PTPRN2: variants seen among roughly 807,000 people sequenced by gnomAD.
PTPRN2 encodes protein tyrosine phosphatase receptor type N2, also known as receptor-type tyrosine-protein phosphatase N2.
Under a neutral mutation model 118.8 loss-of-function variants are expected in PTPRN2, and 74 were observed. The observed-to-expected ratio is 0.62, with a 90% confidence interval of 0.52 to 0.76. The LOEUF (loss-of-function observed/expected upper bound fraction) is 0.76. PTPRN2 is among the 30% of genes least tolerant of loss of function. The pLI, the probability that PTPRN2 is intolerant of heterozygous loss-of-function variation, is 0.00. For missense variants in PTPRN2, 1,481 were observed against 1,394.4 expected, an observed-to-expected ratio of 1.06 and a Z score of -0.99; for synonymous variants, 641 against 608.0, an observed-to-expected ratio of 1.05 and a Z score of -0.80.
intron 12 of PTPRN2, among the ~76,000 whole-genome samples, chr7:157,686,365 T>G (rs1169841534): frequency 1.3e-5 from 2 of 152,340 alleles, no homozygotes; most frequent in South Asian, 2.1e-4. Flanking sequence ...TAAAGAATTT[T>G]TTTCTAAGTG....
rs55643610 is a variant in PTPRN2, at chr7:157,861,895, T to G, written c.1788+36778A>C. Among the ~76,000 whole-genome samples the G allele has an allele frequency of 6.7e-6, 1 of 148,544 alleles. No individual in the cohort carries two copies. ...TCTGTCCTCCCCATCACAGGGACAC[T>G]GCTGCTTCGAGGACTCTGTGTGCCG... On this transcript the variant is annotated intron_variant, in intron 12 of 22. Transcript: ENST00000389418. The surrounding 1 kb of genome is among the most constrained non-coding windows in gnomAD (Gnocchi z 5.8).
intron 11 of PTPRN2, among the ~76,000 whole-genome samples, chr7:158,008,303 T>C (rs1181273083): frequency 1.3e-5 from 2 of 152,334 alleles, no homozygotes; most frequent in South Asian, 2.1e-4. Flanking sequence ...TGGGAAAATA[T>C]GGAATAATTG....
chr7:157,916,174 G>T (rs1017835485), intron 11 of PTPRN2, among the ~76,000 whole-genome samples: 2 of 152,220 alleles, frequency 1.3e-5, no homozygotes, highest in South Asian at 4.1e-4. Flanking sequence ...TCTTTGTGTG[G>T]TGCTGCGTGT....
chr7:158,352,215 T>C (rs144724646), intron 2 of PTPRN2, among the ~76,000 whole-genome samples: 8 of 312 alleles, frequency 0.026, 2 homozygotes, highest in East Asian at 0.045. Context: ...CCCTCCTGAC[T>C]GCTCCCCTCC....
intron 3 of PTPRN2, among the ~76,000 whole-genome samples, chr7:158,276,280 TGTAA>T (rs1798972398): frequency 2.4e-5 from 1 of 40,874 alleles, no homozygotes; most frequent in African/African-American, 6.2e-5. Flanking sequence ...CCCAACAGGC[TGTAA>T]GGCAGCACCC....
chr7:158,097,657 C>T (rs775055067), intron 10 of PTPRN2, among the ~76,000 whole-genome samples: 1 of 152,218 alleles, frequency 6.6e-6, no homozygotes, highest in Non-Finnish European at 1.5e-5. Flanking sequence ...CGGAAGGCGG[C>T]CTGGCATCGA....
At chr7:157,788,094 G>C (rs1219606598) in intron 12 of PTPRN2, among the ~76,000 whole-genome samples, 1 of 152,250 alleles carries the variant, frequency 6.6e-6, no homozygotes, top group Admixed American at 6.5e-5. Flanking sequence ...GCAGGGAAGA[G>C]GCTGGGCGCG....
chr7:157,697,500 A>G (rs1430784718), intron 12 of PTPRN2, among the ~76,000 whole-genome samples: 9 of 102,786 alleles, frequency 8.8e-5, no homozygotes, highest in South Asian at 3.9e-4. Context: ...ACTGGATCTT[A>G]GTAGAGCCCT....
chr7:157,847,826 TCTCA>T (rs1271951019), intron 12 of PTPRN2, among the ~76,000 whole-genome samples: 10 of 150,250 alleles, frequency 6.7e-5, no homozygotes, highest in Non-Finnish European at 1.3e-4. Flanking sequence ...CAGAGCCCTC[TCTCA>T]CTCCATCATG....
intron 13 of PTPRN2, among the ~76,000 whole-genome samples, chr7:157,673,995 G>A (rs1379509808): frequency 6.6e-6 from 1 of 152,196 alleles, no homozygotes; most frequent in Non-Finnish European, 1.5e-5. Flanking sequence ...TAAGCTTTCT[G>A]AGAAAACGCC....
At chr7:158,035,186 T>C (rs143706561) in intron 11 of PTPRN2, among the ~76,000 whole-genome samples, 45 of 152,334 alleles carry the variant, frequency 3.0e-4, no homozygotes, top group African/African-American at 1.0e-3. Flanking sequence ...TGACAATATA[T>C]GCACTTTTAA....
At chr7:158,450,278 G>A (rs1157987167) in intron 2 of PTPRN2, among the ~76,000 whole-genome samples, 2 of 152,226 alleles carry the variant, frequency 1.3e-5, no homozygotes, top group Non-Finnish European at 2.9e-5. Flanking sequence ...TCCCCTGGGG[G>A]TTTGGCCTTC....
intron 11 of PTPRN2, among the ~76,000 whole-genome samples, chr7:157,992,974 G>A (rs762280003): frequency 1.3e-5 from 2 of 152,226 alleles, no homozygotes; most frequent in African/African-American, 2.4e-5. Context: ...TGGTTTGGGC[G>A]CCTGAGCCTG....
intron 2 of PTPRN2, among the ~76,000 whole-genome samples, chr7:158,425,995 C>G (rs1352523512): frequency 1.2e-5 from 1 of 84,422 alleles, no homozygotes; most frequent in Non-Finnish European, 2.3e-5. Context: ...GGCCTGCGCA[C>G]CGCCGGGAAA....
At chr7:158,277,954 A>G (rs1799139506) in intron 3 of PTPRN2, among the ~76,000 whole-genome samples, 1 of 152,110 alleles carries the variant, frequency 6.6e-6, no homozygotes, top group South Asian at 2.1e-4. Flanking sequence ...GGGGGATGGG[A>G]GTTAGAGGTG....
At chr7:158,404,756 CCGGCCT>C (rs1813236827) in intron 2 of PTPRN2, among the ~76,000 whole-genome samples, 1 of 142,788 alleles carries the variant, frequency 7.0e-6, no homozygotes, top group Non-Finnish European at 1.5e-5. Context: ...TTCCAGCTCC[CCGGCCT>C]CAGCTCCCCG....
chr7:157,956,448 T>C (rs1364018894), intron 11 of PTPRN2, among the ~76,000 whole-genome samples: 1 of 152,254 alleles, frequency 6.6e-6, no homozygotes, highest in African/African-American at 2.4e-5. Context: ...GCTGGGTCCC[T>C]GGCTGAAGAA....
chr7:158,431,671 C>T (rs928866458), intron 2 of PTPRN2, among the ~76,000 whole-genome samples: 2 of 149,442 alleles, frequency 1.3e-5, no homozygotes, highest in African/African-American at 4.9e-5. Context: ...CACTGGCTCA[C>T]ACTGGGCACA....
intron 12 of PTPRN2, among the ~76,000 whole-genome samples, chr7:157,715,227 A>C (rs150134044): frequency 0.015 from 2,242 of 152,318 alleles, 28 homozygotes; most frequent in South Asian, 0.047. Context: ...GCGGGAGTCC[A>C]GGCCGTGCGC....
Sources: allele counts gnomAD v4.1 joint callset (sites outside exome capture counted in the v4.1 genomes callset), GRCh38; gene constraint gnomAD v4.1.1; non-coding constraint Gnocchi (gnomAD v3.1); transcripts MANE v1.5; gene names NCBI Gene and HGNC (gene_info 2026-07-23, HGNC 2026-07-21).